Variants in RBFOX1 observed in about 807,000 individuals in gnomAD.
RBFOX1 encodes the protein RNA binding protein fox-1 homolog 1.
In RBFOX1, 8 loss-of-function variants were observed where a neutral mutation model predicts 57.7. That is an observed-to-expected ratio of 0.14 (90% CI 0.08 to 0.25). RBFOX1 has a LOEUF of 0.25. RBFOX1 is among the 10% of genes least tolerant of loss of function. RBFOX1 has a pLI of 1.00. For missense variants in RBFOX1, 611 were observed against 548.5 expected, an observed-to-expected ratio of 1.11 and a Z score of -1.14; for synonymous variants, 326 against 222.4, an observed-to-expected ratio of 1.47 and a Z score of -4.15.
chr16:6,755,988 A>G (rs1038699775), intron 3 of RBFOX1, among the ~76,000 whole-genome samples: 1 of 152,186 alleles, frequency 6.6e-6, no homozygotes, highest in African/African-American at 2.4e-5. Flanking sequence ...GCTGAGGTCA[A>G]TAAGTGCCCA....
intron 3 of RBFOX1, among the ~76,000 whole-genome samples, chr16:6,909,552 A>T (rs780890980): frequency 2.6e-5 from 4 of 152,240 alleles, no homozygotes; most frequent in Non-Finnish European, 4.4e-5. Context: ...TATCTCCAGC[A>T]AACATGCATT....
chr16:6,238,682 T>C (rs1164944160), intron 1 of RBFOX1, among the ~76,000 whole-genome samples: 1 of 152,186 alleles, frequency 6.6e-6, no homozygotes, highest in East Asian at 1.9e-4. Flanking sequence ...AGCTTTATGC[T>C]TTTTTTATTC....
chr16:7,045,014 A>T (rs750399339), intron 3 of RBFOX1, among the ~76,000 whole-genome samples: 13 of 152,284 alleles, frequency 8.5e-5, no homozygotes, highest in Middle Eastern at 3.4e-3. Flanking sequence ...CACACAACTC[A>T]TGATGGGATT....
At chr16:6,065,857 G>C (rs989703852) in intron 1 of RBFOX1, among the ~76,000 whole-genome samples, 6 of 152,118 alleles carry the variant, frequency 3.9e-5, no homozygotes, top group Non-Finnish European at 5.9e-5. Flanking sequence ...GTAGTCCTTG[G>C]GGTCTGGATT....
intron 1 of RBFOX1, among the ~76,000 whole-genome samples, chr16:5,407,157 G>C (rs181716482): frequency 1.2e-4 from 19 of 152,230 alleles, no homozygotes; most frequent in African/African-American, 4.6e-4. Flanking sequence ...AGAGTGAAAA[G>C]TGCAGGGGAA....
intron 3 of RBFOX1, among the ~76,000 whole-genome samples, chr16:5,767,050 C>T (rs555879271): frequency 6.6e-6 from 1 of 152,206 alleles, no homozygotes; most frequent in African/African-American, 2.4e-5. Context: ...ACTGATGTCT[C>T]AGTCAGTTGT....
intron 4 of RBFOX1, among the ~76,000 whole-genome samples, chr16:5,924,508 C>T (rs549599083): frequency 1.3e-5 from 2 of 152,136 alleles, no homozygotes; most frequent in East Asian, 3.9e-4. Context: ...AGCCTGGCAC[C>T]TTCTCCCTCT....
chr16:7,320,767 G>C (rs974804899), intron 4 of RBFOX1, among the ~76,000 whole-genome samples: 3 of 152,178 alleles, frequency 2.0e-5, no homozygotes, highest in African/African-American at 7.2e-5. Context: ...ACTTACAAAT[G>C]GGTGCAAGCC....
chr16:6,289,172 C>T (rs112184399), intron 1 of RBFOX1, among the ~76,000 whole-genome samples: 21 of 152,218 alleles, frequency 1.4e-4, no homozygotes, highest in African/African-American at 4.1e-4. Flanking sequence ...CAAATCACAC[C>T]GTGGAACAGT....
chr16:5,580,837 CTGTCT>C (rs2046641453), intron 2 of RBFOX1, among the ~76,000 whole-genome samples: 2 of 152,210 alleles, frequency 1.3e-5, no homozygotes, highest in Non-Finnish European at 1.5e-5. Context: ...ACATGGTCAC[CTGTCT>C]TAATGATCCC....
At chr16:6,487,342 G>C (rs540455689) in intron 2 of RBFOX1, among the ~76,000 whole-genome samples, 67 of 152,156 alleles carry the variant, frequency 4.4e-4, no homozygotes, top group African/African-American at 1.5e-3. Context: ...ATTTCAAAGT[G>C]TTCTTTCTGT....
intron 4 of RBFOX1, among the ~76,000 whole-genome samples, chr16:7,462,574 C>T (rs1410708281): frequency 6.6e-6 from 1 of 152,236 alleles, no homozygotes; most frequent in African/African-American, 2.4e-5. Flanking sequence ...CGGCATGACT[C>T]AACTGGGTCC....
intron 3 of RBFOX1, among the ~76,000 whole-genome samples, chr16:6,666,412 A>G (rs950021732): frequency 3.9e-5 from 6 of 151,942 alleles, no homozygotes; most frequent in African/African-American, 7.3e-5. Flanking sequence ...GTGGGCACCT[A>G]TAATCCTAGC....
chr16:7,126,297 A>G (rs2068526617), intron 4 of RBFOX1: 4 of 319,284 alleles, frequency 1.3e-5, no homozygotes, highest in Non-Finnish European at 2.4e-5. Context: ...AGCTCCTTAC[A>G]TGGGCTTTGG....
chr16:5,712,818 C>T (rs1020072918), intron 3 of RBFOX1, among the ~76,000 whole-genome samples: 1 of 152,198 alleles, frequency 6.6e-6, no homozygotes, highest in Non-Finnish European at 1.5e-5. Context: ...AATGCTACTT[C>T]TTTTGCCACA....
chr16:6,597,704 C>T (rs1056228900), intron 2 of RBFOX1, among the ~76,000 whole-genome samples: 3 of 152,000 alleles, frequency 2.0e-5, no homozygotes. Context: ...AAACAGGGAC[C>T]CAATTCTGGC....
At chr16:6,456,199 G>T (rs1219392293) in intron 2 of RBFOX1, among the ~76,000 whole-genome samples, 2 of 152,172 alleles carry the variant, frequency 1.3e-5, no homozygotes, top group African/African-American at 4.8e-5. Flanking sequence ...AGTCCTTTCA[G>T]ATAGAAGAAT....
At chr16:5,802,505 C>T (rs1217706551) in intron 3 of RBFOX1, among the ~76,000 whole-genome samples, 1 of 152,138 alleles carries the variant, frequency 6.6e-6, no homozygotes, top group African/African-American at 2.4e-5. Flanking sequence ...TCATCCCATC[C>T]TCTGCCATCA....
At chr16:6,094,762 T>A (rs115254267) in intron 1 of RBFOX1, among the ~76,000 whole-genome samples, 2 of 152,118 alleles carry the variant, frequency 1.3e-5, no homozygotes, top group African/African-American at 4.8e-5. Flanking sequence ...AGGATTAAAT[T>A]AAATTATACC....
Sources: gnomAD v4.1 joint callset for allele counts (sites outside exome capture counted in the v4.1 genomes callset) on GRCh38, gnomAD v4.1.1 for gene constraint, MANE v1.5 for transcripts, NCBI Gene and HGNC (gene_info 2026-07-23, HGNC 2026-07-21) for gene names.